Variants in RFTN1 observed in about 807,000 individuals in gnomAD.
RFTN1 encodes the protein raftlin, lipid raft linker 1.
In RFTN1, 26 loss-of-function variants were observed where a neutral mutation model predicts 46.5. The observed-to-expected ratio is 0.56, with a 90% CI of 0.41 to 0.78. RFTN1 has a LOEUF of 0.78. RFTN1 is among the 30% of genes least tolerant of loss of function. RFTN1 has a pLI of 0.00. For missense variants in RFTN1, 693 were observed against 718.7 expected, an observed-to-expected ratio of 0.96 and a Z score of 0.41; for synonymous variants, 261 against 284.2, an observed-to-expected ratio of 0.92 and a Z score of 0.82.
rs1359249994 is a variant in RFTN1 at position 16,346,020 on chromosome 3, T to C, written c.1146+11912A>G. ...TCTTCCTCTGCAGCAAGAATCAAAATTCACTTTGCCCCATGATCTTCACCA... is the reference window on the plus strand; with the variant it reads ...TCTTCCTCTGCAGCAAGAATCAAAACTCACTTTGCCCCATGATCTTCACCA... On this transcript the variant is annotated intron_variant, in intron 7 of 9. Transcript: ENST00000334133. This position sits in a 1 kb window ranked among gnomAD's most constrained non-coding sequence, Gnocchi z 4.4. 1 of 152,162 alleles carries C rather than the reference T, an allele frequency of 6.6e-6. No individual in the cohort carries two copies. The highest frequency in any genetic ancestry group is 2.4e-5 in the African/African-American group (1 of 41,434). The allele number at this position is 152,162 out of a possible 1,614,324, so 9.4% of individuals were successfully genotyped here.
chr3:16,485,250 A>G (rs1231825265), intron 2 of RFTN1, among the ~76,000 whole-genome samples: 2 of 152,208 alleles, frequency 1.3e-5, no homozygotes, highest in African/African-American at 4.8e-5. Context: ...ATTGTGGCAC[A>G]TGCAAACAAG....
At chr3:16,330,677 C>G (rs58824769) in intron 7 of RFTN1, among the ~76,000 whole-genome samples, 18,081 of 152,190 alleles carry the variant, frequency 0.12, 1,505 homozygotes, top group African/African-American at 0.24. Flanking sequence ...TTTTTCAACT[C>G]GTATAAAAGG....
chr3:16,325,439 T>C (rs1490314682), intron 8 of RFTN1, among the ~76,000 whole-genome samples: 2 of 152,218 alleles, frequency 1.3e-5, no homozygotes, highest in Admixed American at 6.5e-5. Flanking sequence ...CTTAGGTGGC[T>C]CAGAACCAGC....
At chr3:16,467,290 A>G (rs1029552485) in intron 2 of RFTN1, among the ~76,000 whole-genome samples, 38 of 152,196 alleles carry the variant, frequency 2.5e-4, no homozygotes, top group African/African-American at 9.2e-4. Flanking sequence ...TGGTCTTTCA[A>G]TTTTGAGGAA....
At chr3:16,508,546 C>A (rs576811728) in intron 1 of RFTN1, among the ~76,000 whole-genome samples, 1 of 152,212 alleles carries the variant, frequency 6.6e-6, no homozygotes, top group Non-Finnish European at 1.5e-5. Flanking sequence ...CAGTGGCTAT[C>A]GCTTGCCTGC....
In RFTN1 at chr3:16,334,099, A is replaced by G. The variant is rs2070612291; in HGVS notation, c.1147-7223T>C. 6.6e-6 allele frequency among the ~76,000 whole-genome samples: 1 copy of G among 152,216 alleles called. No individual in the cohort carries two copies. Among genetic ancestry groups the G allele is most frequent in the African/African-American group, 2.4e-5 (1 of 41,458 alleles). On this transcript the variant is annotated intron_variant, in intron 7 of 9. Coordinates refer to ENST00000334133, the MANE Select transcript of RFTN1 (RefSeq NM_015150.2). This position sits in a 1 kb window ranked among gnomAD's most constrained non-coding sequence, Gnocchi z 4.3. The stretch of plus-strand genomic sequence containing the variant: ...AGAATGGCTTGAACCTAGGAGGCAG[A>G]AGCTGCAGTGAGCCGAGATCGTGCC...
At chr3:16,412,390 C>T (rs1005521263) in intron 3 of RFTN1, among the ~76,000 whole-genome samples, 7 of 152,214 alleles carry the variant, frequency 4.6e-5, no homozygotes, top group Admixed American at 6.5e-5. Context: ...GCAGCTATGG[C>T]CTCACAGAGG....
At chr3:16,436,167 C>T (rs996102266) in intron 2 of RFTN1, among the ~76,000 whole-genome samples, 3 of 151,626 alleles carry the variant, frequency 2.0e-5, no homozygotes, top group Admixed American at 2.0e-4. Context: ...TATTTAAATG[C>T]TGTGTCTCCT....
At chr3:16,332,858 C>T (rs2070464761) in intron 7 of RFTN1, among the ~76,000 whole-genome samples, 1 of 151,910 alleles carries the variant, frequency 6.6e-6, no homozygotes, top group African/African-American at 2.4e-5. Flanking sequence ...TACCTACCTA[C>T]AATTGAACCT....
rs936754784 is a variant in RFTN1 at position 16,320,613 on chromosome 3, C to T, written c.1332+2763G>A. ...AGCTCTGAAGGAGAAGAACGTGGTTCTTTTCCAGGGTAGTACAAAGGAGTC... is the reference window on the plus strand; with the variant it reads ...AGCTCTGAAGGAGAAGAACGTGGTTTTTTTCCAGGGTAGTACAAAGGAGTC... On this transcript the variant is annotated intron_variant, in intron 9 of 9. Transcript: ENST00000334133. The surrounding 1 kb of genome is among the most constrained non-coding windows in gnomAD (Gnocchi z 4.5). Among the ~76,000 whole-genome samples, 18 of 152,216 alleles carry T rather than the reference C, an allele frequency of 1.2e-4. No individual in the cohort carries two copies. Among genetic ancestry groups the T allele is most frequent in the African/African-American group, 4.3e-4 (18 of 41,450 alleles).
intron 2 of RFTN1, among the ~76,000 whole-genome samples, chr3:16,455,368 C>A (rs1268864320): frequency 6.6e-6 from 1 of 152,110 alleles, no homozygotes; most frequent in Admixed American, 6.6e-5. Context: ...AATCCTCACG[C>A]TAGTAGCCAG....
chr3:16,326,991 G>A (rs2069770054), intron 7 of RFTN1, 115 bp from the exon 8 acceptor site: 9 of 718,888 alleles, frequency 1.3e-5, no homozygotes, highest in Admixed American at 2.6e-5. Context: ...GGCGGTGCCC[G>A]GCCACTCAGA....
At chr3:16,330,836 T>G (rs2070238090) in intron 7 of RFTN1, among the ~76,000 whole-genome samples, 1 of 152,190 alleles carries the variant, frequency 6.6e-6, no homozygotes, top group Non-Finnish European at 1.5e-5. Context: ...CTAAGAAATA[T>G]GTTTGTCTTT....
intron 1 of RFTN1, among the ~76,000 whole-genome samples, chr3:16,511,991 G>T (rs2125019803): frequency 6.6e-6 from 1 of 152,182 alleles, no homozygotes; most frequent in South Asian, 2.1e-4. Flanking sequence ...AATCACTCAG[G>T]CGGGCCAGAA....
chr3:16,355,161 AG>A (rs539524843), intron 7 of RFTN1, among the ~76,000 whole-genome samples: 2 of 152,308 alleles, frequency 1.3e-5, no homozygotes, highest in African/African-American at 2.4e-5. Context: ...ACAGAAATCT[AG>A]GCTCTTTCTA....
Position 16,335,308 on chromosome 3 carries a change from G to A in RFTN1, c.1147-8432C>T, listed in dbSNP as rs1343406349. Among the ~76,000 whole-genome samples the A allele has an allele frequency of 6.6e-6, 1 of 152,202 alleles. No individual in the cohort carries two copies. The highest frequency in any genetic ancestry group is 1.5e-5 in the Non-Finnish European group (1 of 68,042). On this transcript the variant is annotated intron_variant, in intron 7 of 9. Coordinates refer to ENST00000334133, the MANE Select transcript of RFTN1 (RefSeq NM_015150.2). This position sits in a 1 kb window ranked among gnomAD's most constrained non-coding sequence, Gnocchi z 4.7. ...GGATTTCCTTGTGAGGGGGTGAGCA[G>A]AAGATGAACGAAAATGGGCTGAGTG...
In RFTN1 at chr3:16,489,145, AG is replaced by A. The variant is rs1181244182; in HGVS notation, c.145+4579del. Among the ~76,000 whole-genome samples, 1 of 152,148 alleles carries A rather than the reference AG, an allele frequency of 6.6e-6. No homozygotes were observed. The highest frequency in any genetic ancestry group is 1.5e-5 in the Non-Finnish European group (1 of 68,024). ...TAAAATCAGTGATGGAGGCCGGGTG[AG>A]GTGGCTCACACCTGTAATCCCGGCA... On this transcript the variant is annotated intron_variant, in intron 2 of 9. Transcript: ENST00000334133. The surrounding 1 kb of genome is among the most constrained non-coding windows in gnomAD (Gnocchi z 4.0).
chr3:16,481,766 T>C lies in RFTN1; in HGVS notation c.145+11959A>G, dbSNP rs2076371229. On this transcript the variant is annotated intron_variant, in intron 2 of 9. Coordinates refer to ENST00000334133, the MANE Select transcript of RFTN1 (RefSeq NM_015150.2). The surrounding 1 kb of genome is among the most constrained non-coding windows in gnomAD (Gnocchi z 5.1). ...ATTATATTGGAAGAAACAGATGGTTTCACAGAAGTCAATGTTACCTAGAGG... is the reference window on the plus strand; with the variant it reads ...ATTATATTGGAAGAAACAGATGGTTCCACAGAAGTCAATGTTACCTAGAGG... Among the ~76,000 whole-genome samples, 1 of 152,236 alleles carries C rather than the reference T, an allele frequency of 6.6e-6. No homozygotes were observed. The highest frequency in any genetic ancestry group is 2.1e-4 in the South Asian group (1 of 4,834).
chr3:16,513,275 C>G lies in RFTN1; in HGVS notation c.-9+167G>C, dbSNP rs1159133014. The G allele has an allele frequency of 6.6e-6, 1 of 152,476 alleles. No homozygotes were observed. The highest frequency in any genetic ancestry group is 1.9e-4 in the East Asian group (1 of 5,204). 9.4% of individuals were successfully genotyped at this position (152,476 alleles called of 1,614,324 possible). On this transcript the variant is annotated intron_variant, in intron 1 of 9. Transcript: ENST00000334133. The surrounding 1 kb of genome is among the most constrained non-coding windows in gnomAD (Gnocchi z 5.4). ...AGCCCAGGTCCCCATCCGACGCGGG[C>G]CAGGGGGTGCTGCTCTGGCAGCTCC... is the stretch of plus-strand genomic sequence containing the variant.
Sources: allele counts gnomAD v4.1 joint callset (sites outside exome capture counted in the v4.1 genomes callset), GRCh38; gene constraint gnomAD v4.1.1; non-coding constraint Gnocchi (gnomAD v3.1); transcripts MANE v1.5; gene names NCBI Gene and HGNC (gene_info 2026-07-23, HGNC 2026-07-21).